The following PRKN variants were observed in gnomAD, a reference collection of about 807,000 sequenced individuals.
PRKN encodes the protein E3 ubiquitin-protein ligase parkin.
PRKN carries 56 observed loss-of-function variants against 59.5 expected under a neutral mutation model. The observed-to-expected ratio is 0.94, with a 90% confidence interval of 0.76 to 1.18. PRKN has a LOEUF of 1.18. PRKN is among the 50% of genes most tolerant of loss of function. PRKN has a pLI of 0.00. For synonymous variants in PRKN, 250 were observed against 222.1 expected (o/e 1.13, Z -1.12); for missense variants, 657 against 596.4 (o/e 1.10, Z -1.06).
At chr6:162,199,332 T>G (rs1784626431) in intron 4 of PRKN, among the ~76,000 whole-genome samples, 1 of 152,204 alleles carries the variant, frequency 6.6e-6, no homozygotes, top group South Asian at 2.1e-4. Flanking sequence ...TGCCTTAATC[T>G]CTTTAAGCCT....
chr6:161,898,630 AGTGGAATG>A (rs1777755998), intron 6 of PRKN, among the ~76,000 whole-genome samples: 1 of 152,184 alleles, frequency 6.6e-6, no homozygotes, highest in East Asian at 1.9e-4. Flanking sequence ...CTTTGCTGAC[AGTGGAATG>A]TCATTTTGGT....
chr6:161,678,650 C>T (rs1251105244), intron 7 of PRKN, among the ~76,000 whole-genome samples: 1 of 146,790 alleles, frequency 6.8e-6, no homozygotes, highest in East Asian at 2.0e-4. Context: ...CAGCTCACTG[C>T]ACCTCCCGGG....
At chr6:162,575,212 G>C (rs1780509848) in intron 1 of PRKN, among the ~76,000 whole-genome samples, 1 of 152,130 alleles carries the variant, frequency 6.6e-6, no homozygotes, top group Non-Finnish European at 1.5e-5. Flanking sequence ...TCTTCTGTCA[G>C]TCTTGGAGAA....
rs1780421253 is a variant in PRKN at position 161,560,553 on chromosome 6, A to G, written c.933+8802T>C. Among the ~76,000 whole-genome samples the G allele has an allele frequency of 6.6e-6, 1 of 150,888 alleles. No individual in the cohort carries two copies. Among genetic ancestry groups the G allele is most frequent in the East Asian group, 1.9e-4 (1 of 5,136 alleles). On this transcript the variant is annotated intron_variant, in intron 8 of 11. Transcript: ENST00000366898. The surrounding 1 kb of genome is among the most constrained non-coding windows in gnomAD (Gnocchi z 4.9). ...TCTTGTCATCATTCTGGGGACTTGAACTCCTGTATGAATAAGCCACCATCA... is the reference window on the plus strand; with the variant it reads ...TCTTGTCATCATTCTGGGGACTTGAGCTCCTGTATGAATAAGCCACCATCA...
intron 5 of PRKN, among the ~76,000 whole-genome samples, chr6:162,019,771 C>T (rs1278575176): frequency 6.6e-6 from 1 of 152,280 alleles, no homozygotes; most frequent in African/African-American, 2.4e-5. Flanking sequence ...GTAATCCCAG[C>T]ACTTTGGGAG....
At chr6:161,634,188 A>G (rs1382281262) in intron 7 of PRKN, among the ~76,000 whole-genome samples, 1 of 152,206 alleles carries the variant, frequency 6.6e-6, no homozygotes, top group Admixed American at 6.5e-5. Context: ...AGAGACAGAA[A>G]GCACATCCCC....
chr6:161,712,693 G>A (rs1404664439), intron 7 of PRKN, among the ~76,000 whole-genome samples: 1 of 151,914 alleles, frequency 6.6e-6, no homozygotes, highest in African/African-American at 2.4e-5. Flanking sequence ...TCACTTGATA[G>A]GACTCAAATA....
At chr6:161,493,772 CTT>C (rs890663755) in intron 9 of PRKN, among the ~76,000 whole-genome samples, 2 of 152,234 alleles carry the variant, frequency 1.3e-5, no homozygotes, top group Admixed American at 1.3e-4. Context: ...AGCTTCTTCT[CTT>C]GGGTTCCTCC....
intron 1 of PRKN, among the ~76,000 whole-genome samples, chr6:162,619,834 C>T (rs147161809): frequency 6.6e-6 from 1 of 152,204 alleles, no homozygotes; most frequent in Non-Finnish European, 1.5e-5. Flanking sequence ...GTATGATGGA[C>T]ATCTTTGATA....
intron 2 of PRKN, among the ~76,000 whole-genome samples, chr6:162,309,353 T>C (rs763969983): frequency 2.4e-4 from 37 of 152,130 alleles, no homozygotes; most frequent in Non-Finnish European, 4.7e-4. Flanking sequence ...TTAGTAGAGA[T>C]GGGGTTTTAC....
At chr6:162,051,139 G>A (rs1777623279) in intron 5 of PRKN, among the ~76,000 whole-genome samples, 1 of 152,134 alleles carries the variant, frequency 6.6e-6, no homozygotes, top group African/African-American at 2.4e-5. Context: ...GGGAAGATGA[G>A]GAAACCTGGA....
chr6:161,731,042 T>G (rs912553580), intron 7 of PRKN, among the ~76,000 whole-genome samples: 2 of 152,244 alleles, frequency 1.3e-5, no homozygotes, highest in Non-Finnish European at 2.9e-5. Context: ...TCTTGCAGTC[T>G]GATATGTTGC....
chr6:162,648,118 T>C (rs1012833670), intron 1 of PRKN, among the ~76,000 whole-genome samples: 3 of 152,102 alleles, frequency 2.0e-5, no homozygotes, highest in Non-Finnish European at 4.4e-5. Flanking sequence ...AGACGAGCGA[T>C]GTAAAATGGC....
intron 5 of PRKN, among the ~76,000 whole-genome samples, chr6:162,020,354 A>AC (rs1251072339): frequency 6.7e-6 from 1 of 148,594 alleles, no homozygotes; most frequent in Non-Finnish European, 1.5e-5. Context: ...AAAAAAAAAA[A>AC]AAAACAGATA....
intron 7 of PRKN, among the ~76,000 whole-genome samples, chr6:161,725,814 T>G (rs192237249): frequency 5.3e-5 from 8 of 152,222 alleles, no homozygotes; most frequent in Non-Finnish European, 1.2e-4. Context: ...AAGATCCCAG[T>G]ACCATGCCTG....
chr6:162,154,856 TTTTC>T (rs1782435708), intron 4 of PRKN, among the ~76,000 whole-genome samples: 2 of 152,024 alleles, frequency 1.3e-5, no homozygotes, highest in African/African-American at 2.4e-5. Context: ...TACACATATA[TTTTC>T]TTTCTTTGAT....
intron 7 of PRKN, among the ~76,000 whole-genome samples, chr6:161,703,835 CTCTCTTTTTTTTTTTTTTTTT>C (rs1786360605): frequency 1.6e-5 from 2 of 126,476 alleles, no homozygotes; most frequent in African/African-American, 3.2e-5. Flanking sequence ...CTCTCTCTCT[CTCTCTTTTTTTTTTTTTTTTT>C]TTTTTTTTTT....
Position 161,431,672 on chromosome 6 carries a change from G to C in PRKN, c.1084-44795C>G, listed in dbSNP as rs536796306. Among the ~76,000 whole-genome samples the C allele has an allele frequency of 4.1e-4, 62 of 151,584 alleles. No individual in the cohort carries two copies. In the East Asian group the frequency reaches 0.011, roughly 26 times the overall value. Reference sequence around the variant, plus strand: ...CCATTGCCCAGGCTGGAGTGCAATGGCGCGATCTTGGCTCACTGCAACCTC... The same window carrying C: ...CCATTGCCCAGGCTGGAGTGCAATGCCGCGATCTTGGCTCACTGCAACCTC... On this transcript the variant is annotated intron_variant, in intron 9 of 11. Transcript: ENST00000366898.
intron 6 of PRKN, among the ~76,000 whole-genome samples, chr6:161,959,969 T>C (rs1780321479): frequency 6.6e-6 from 1 of 152,306 alleles, no homozygotes. Context: ...GTCATCTGCT[T>C]TCTGTGTTAC....
Sources: allele counts gnomAD v4.1 joint callset (sites outside exome capture counted in the v4.1 genomes callset), GRCh38; gene constraint gnomAD v4.1.1; non-coding constraint Gnocchi (gnomAD v3.1); transcripts MANE v1.5; gene names NCBI Gene and HGNC (gene_info 2026-07-23, HGNC 2026-07-21).